Variants in TENM3 observed in about 807,000 individuals in gnomAD.
TENM3 encodes teneurin transmembrane protein 3.
A neutral mutation model predicts 255.1 loss-of-function variants in TENM3; 63 were observed. The observed-to-expected ratio is 0.25, with a 90% CI of 0.20 to 0.30. TENM3 has a LOEUF of 0.30. Ranked by LOEUF, TENM3 falls within the 10% of genes least tolerant of loss-of-function variation. TENM3 has a pLI of 1.00. For synonymous variants in TENM3, 1,306 were observed against 1,322.3 expected (o/e 0.99, Z 0.27); for missense variants, 2,929 against 3,461.1 (o/e 0.85, Z 3.86).
chr4:182,081,910 C>A, the TENM3 span: 1 of 152,022 alleles, frequency 6.6e-6, no homozygotes, highest in African/African-American at 2.4e-5. Flanking sequence ...TATGGAGTGA[C>A]CAGATAACTT....
the TENM3 span, among the ~76,000 whole-genome samples, chr4:181,585,040 C>T: frequency 6.7e-6 from 1 of 148,994 alleles, no homozygotes; most frequent in Non-Finnish European, 1.5e-5. Flanking sequence ...TTTCAATCAT[C>T]CAATTACTTA....
the TENM3 span, among the ~76,000 whole-genome samples, chr4:182,065,137 C>G: frequency 6.0e-5 from 9 of 151,100 alleles, no homozygotes; most frequent in Non-Finnish European, 1.3e-4. Context: ...AGAGTTCAAG[C>G]GATTCTCCTG....
chr4:181,768,532 C>G, the TENM3 span, among the ~76,000 whole-genome samples: 2 of 152,174 alleles, frequency 1.3e-5, no homozygotes, highest in African/African-American at 4.8e-5. Flanking sequence ...TAAAGTCTTT[C>G]TGAATGAACT....
intron 12 of TENM3, among the ~76,000 whole-genome samples, chr4:182,711,066 A>G (rs1758714702): frequency 6.6e-6 from 1 of 152,220 alleles, no homozygotes; most frequent in South Asian, 2.1e-4. Context: ...GCTTGCAGTC[A>G]AGAGATACTG....
the TENM3 span, among the ~76,000 whole-genome samples, chr4:181,606,769 C>T: frequency 6.6e-6 from 1 of 151,892 alleles, no homozygotes; most frequent in Admixed American, 6.6e-5. Context: ...CATACTTAGC[C>T]ACTCAAGCAG....
chr4:181,737,429 T>C, the TENM3 span, among the ~76,000 whole-genome samples: 1 of 152,142 alleles, frequency 6.6e-6, no homozygotes, highest in Admixed American at 6.5e-5. Flanking sequence ...TGTCATGCTC[T>C]TAAGAAACAA....
At chr4:181,775,947 C>T in the TENM3 span, among the ~76,000 whole-genome samples, 10 of 152,100 alleles carry the variant, frequency 6.6e-5, no homozygotes, top group African/African-American at 2.4e-4. Flanking sequence ...TCTCTACTGA[C>T]TATGTTGAAA....
intron 12 of TENM3, among the ~76,000 whole-genome samples, chr4:182,710,426 A>T (rs1049753850): frequency 6.6e-6 from 1 of 152,204 alleles, no homozygotes; most frequent in African/African-American, 2.4e-5. Flanking sequence ...ATTTCAGAGT[A>T]GCACCTAACA....
the TENM3 span, among the ~76,000 whole-genome samples, chr4:181,481,421 T>C: frequency 6.6e-6 from 1 of 152,152 alleles, no homozygotes; most frequent in Non-Finnish European, 1.5e-5. Flanking sequence ...TATGAGGGTA[T>C]TTAAGTAATT....
At chr4:181,707,239 T>A in the TENM3 span, among the ~76,000 whole-genome samples, 1 of 152,162 alleles carries the variant, frequency 6.6e-6, no homozygotes, top group African/African-American at 2.4e-5. Context: ...ACAAAACGAA[T>A]ACACTGTCTG....
the TENM3 span, among the ~76,000 whole-genome samples, chr4:182,122,235 A>T: frequency 6.6e-6 from 1 of 152,184 alleles, no homozygotes; most frequent in African/African-American, 2.4e-5. Context: ...GGTTGGAATC[A>T]ACTTCTTTCA....
At chr4:181,647,844 G>A in the TENM3 span, among the ~76,000 whole-genome samples, 1 of 152,176 alleles carries the variant, frequency 6.6e-6, no homozygotes, top group Non-Finnish European at 1.5e-5. Context: ...TCTGAAGAGA[G>A]AGAGGGAAAT....
chr4:182,566,748 C>T (rs1743829389), intron 3 of TENM3, among the ~76,000 whole-genome samples: 1 of 152,162 alleles, frequency 6.6e-6, no homozygotes, highest in Non-Finnish European at 1.5e-5. Context: ...GCCCTCATGC[C>T]TCCACAATTA....
At chr4:182,011,226 T>C in the TENM3 span, among the ~76,000 whole-genome samples, 1 of 152,326 alleles carries the variant, frequency 6.6e-6, no homozygotes, top group South Asian at 2.1e-4. Context: ...ACTCATTATA[T>C]TTCTACTTCA....
At chr4:182,098,661 G>C in the TENM3 span, among the ~76,000 whole-genome samples, 1 of 152,190 alleles carries the variant, frequency 6.6e-6, no homozygotes, top group African/African-American at 2.4e-5. Flanking sequence ...GTGGTAGCCA[G>C]AGGCTGAGAA....
intron 4 of TENM3, among the ~76,000 whole-genome samples, chr4:182,613,480 G>A (rs72701976): frequency 0.2 from 30,486 of 152,024 alleles, 3,664 homozygotes; most frequent in Non-Finnish European, 0.27. Flanking sequence ...AAAGTAAGTC[G>A]TAATAGAAAC....
chr4:182,231,279 C>G (rs1432628990), intron 1 of TENM3, among the ~76,000 whole-genome samples: 1 of 152,090 alleles, frequency 6.6e-6, no homozygotes, highest in African/African-American at 2.4e-5. Context: ...TGACCAAGTC[C>G]TACCAGACCA....
chr4:182,621,763 T>G (rs1313937040), intron 4 of TENM3, among the ~76,000 whole-genome samples: 2 of 72,474 alleles, frequency 2.8e-5, no homozygotes, highest in Non-Finnish European at 5.5e-5. Context: ...TAATATATAA[T>G]AATTATATAT....
At chr4:182,621,315 T>C (rs1750113786) in intron 4 of TENM3, among the ~76,000 whole-genome samples, 1 of 152,060 alleles carries the variant, frequency 6.6e-6, no homozygotes, top group Non-Finnish European at 1.5e-5. Context: ...TCTTCCCATG[T>C]TTTATAGCAT....
Sources: gnomAD v4.1 joint callset for allele counts (sites outside exome capture counted in the v4.1 genomes callset) on GRCh38, gnomAD v4.1.1 for gene constraint, MANE v1.5 for transcripts, NCBI Gene and HGNC (gene_info 2026-07-23, HGNC 2026-07-21) for gene names.